Variants in NSUN6 observed in about 807,000 individuals in gnomAD.
The protein encoded by NSUN6 is NOP2/Sun RNA methyltransferase 6.
NSUN6 carries 64 observed loss-of-function variants against 58.0 expected under a neutral mutation model. The ratio of observed to expected loss-of-function variants is 1.10; its 90% CI spans 0.90 to 1.36. NSUN6 has a LOEUF of 1.36. Ranked by LOEUF, NSUN6 falls within the 40% of genes most tolerant of loss-of-function variation. The pLI, the probability that NSUN6 is intolerant of heterozygous loss-of-function variation, is 0.00. For synonymous variants in NSUN6, 231 were observed against 193.9 expected (o/e 1.19, Z -1.59); for missense variants, 701 against 550.1 (o/e 1.27, Z -2.74).
intron 8 of NSUN6, among the ~76,000 whole-genome samples, chr10:18,572,164 C>T (rs2056402196): frequency 6.6e-6 from 1 of 151,610 alleles, no homozygotes; most frequent in South Asian, 2.1e-4. Flanking sequence ...CTCCACATTC[C>T]CTTCCATTCT....
intron 8 of NSUN6, among the ~76,000 whole-genome samples, chr10:18,585,100 AAAC>A (rs1480061308): frequency 2.0e-5 from 3 of 152,162 alleles, no homozygotes; most frequent in Admixed American, 6.6e-5. Flanking sequence ...ATGCAAATCA[AAAC>A]AACGAGATGT....
chr10:18,571,583 CATTCCATTCCATTCTCT>C (rs1414493037), intron 8 of NSUN6, among the ~76,000 whole-genome samples: 11 of 150,738 alleles, frequency 7.3e-5, no homozygotes, highest in African/African-American at 2.7e-4. Context: ...TTCCAATGTC[CATTCCATTCCATTCTCT>C]ATTCCATTCC....
At chr10:18,609,735 T>C in intron 6 of NSUN6, 110 bp downstream of exon 6, 1 of 660,278 alleles carries the variant, frequency 1.5e-6, no homozygotes, top group Admixed American at 2.5e-5. Context: ...GATCAGTGTA[T>C]GTAAGTAGAC....
intron 8 of NSUN6, among the ~76,000 whole-genome samples, chr10:18,554,820 G>A (rs969680053): frequency 1.3e-5 from 2 of 151,526 alleles, no homozygotes; most frequent in African/African-American, 4.8e-5. Flanking sequence ...GAATAGAATG[G>A]TATGGAATGG....
intron 2 of NSUN6, among the ~76,000 whole-genome samples, chr10:18,645,418 C>T (rs1419472175): frequency 1.3e-5 from 2 of 152,160 alleles, no homozygotes; most frequent in African/African-American, 4.8e-5. Flanking sequence ...ACTTGGGTCC[C>T]ACATCCTTTA....
chr10:18,582,538 G>T (rs757388996), intron 8 of NSUN6, among the ~76,000 whole-genome samples: 14 of 152,164 alleles, frequency 9.2e-5, no homozygotes, highest in Non-Finnish European at 1.8e-4. Context: ...AGCCTTCTGG[G>T]CTGGGAAAAA....
At chr10:18,658,997 C>T (rs2059808789), upstream of NSUN6, among the ~76,000 whole-genome samples, 1 of 152,224 alleles carries the variant, frequency 6.6e-6, no homozygotes, top group Admixed American at 6.5e-5. Context: ...AAACACTCTT[C>T]ACTTCTGTGA....
intron 8 of NSUN6, among the ~76,000 whole-genome samples, chr10:18,580,398 G>C (rs907699413): frequency 2.6e-5 from 4 of 152,106 alleles, no homozygotes; most frequent in Non-Finnish European, 5.9e-5. Context: ...CCCAGTCAAG[G>C]AATGAAAGGA....
Position 18,628,338 on chromosome 10 carries a change from A to C in NSUN6, c.312-12045T>G, listed in dbSNP as rs1445379264. Among the ~76,000 whole-genome samples the C allele has an allele frequency of 5.3e-5, 8 of 152,210 alleles. 1 individual carries two copies. In the South Asian group the frequency reaches 1.0e-3, roughly 20 times the overall value. On this transcript the variant is annotated intron_variant, in intron 3 of 10. Transcript: ENST00000377304. ...AGCAGAAAAACTGGAAACTCTAAAA[A>C]GCAGAGCACCTCTCCTCCTCCAAAG... is the stretch of plus-strand genomic sequence containing the variant.
chr10:18,558,671 A>C (rs1315846699), intron 8 of NSUN6, among the ~76,000 whole-genome samples: 1 of 147,678 alleles, frequency 6.8e-6, no homozygotes, highest in Admixed American at 6.8e-5. Context: ...AGGAATTGAA[A>C]ATGGAAAAGA....
intron 3 of NSUN6, among the ~76,000 whole-genome samples, chr10:18,633,218 G>A (rs1309264110): frequency 6.8e-6 from 1 of 147,590 alleles, no homozygotes; most frequent in East Asian, 2.1e-4. Context: ...GGAACACATG[G>A]ACACAGGAAG....
At chr10:18,581,583 T>C (rs895905279) in intron 8 of NSUN6, among the ~76,000 whole-genome samples, 3 of 152,102 alleles carry the variant, frequency 2.0e-5, no homozygotes, top group African/African-American at 7.2e-5. Flanking sequence ...TTCCAGCACT[T>C]TGGGAGGCCG....
intron 8 of NSUN6, among the ~76,000 whole-genome samples, chr10:18,555,400 T>C (rs1309252044): frequency 2.0e-5 from 3 of 148,096 alleles, no homozygotes; most frequent in African/African-American, 7.5e-5. Context: ...GAATGGAGCA[T>C]GGAATGGAAT....
Position 18,585,895 on chromosome 10 carries a change from A to T in NSUN6, c.922+54T>A, listed in dbSNP as rs879128673. ...TATACATGTCAAAACATCACACTGT[A>T]TGCCACAAATATATGATCTGTCAAT... On this transcript the variant is annotated intron_variant, in intron 8 of 10. Coordinates refer to ENST00000377304, the MANE Select transcript of NSUN6 (RefSeq NM_182543.5). The T allele has an allele frequency of 4.0e-5, 54 of 1,348,698 alleles. 1 individual carries two copies. The South Asian group carries it at 6.8e-4, about 17-fold the overall frequency. The allele number at this position is 1,348,698 out of a possible 1,614,324, so 83.5% of individuals were successfully genotyped here. A position where few individuals can be genotyped will look rare whatever the true frequency, so the allele number is the denominator to read the frequency against.
intron 7 of NSUN6, among the ~76,000 whole-genome samples, chr10:18,594,877 T>C (rs1349815516): frequency 6.6e-6 from 1 of 152,144 alleles, no homozygotes; most frequent in Non-Finnish European, 1.5e-5. Flanking sequence ...TTTTGGCCAA[T>C]AAATAGGGTG....
In NSUN6 at chr10:18,574,645, G is replaced by A. The variant is rs2056559999; in HGVS notation, c.922+11304C>T. Among the ~76,000 whole-genome samples, 6 of 152,204 alleles carry A rather than the reference G, an allele frequency of 3.9e-5. No homozygotes were observed. In the South Asian group the frequency reaches 1.2e-3, roughly 32 times the overall value. On this transcript the variant is annotated intron_variant, in intron 8 of 10. Coordinates refer to ENST00000377304, the MANE Select transcript of NSUN6 (RefSeq NM_182543.5). ...TGCCCAACAGCTGGTCTGCTCAAAC[G>A]TGTGAGCTGTTTGCACTCAGCCAAG...
chr10:18,631,291 A>G (rs1267672005), intron 3 of NSUN6, among the ~76,000 whole-genome samples: 4 of 147,398 alleles, frequency 2.7e-5, no homozygotes, highest in Non-Finnish European at 3.0e-5. Context: ...ACCCACAGCC[A>G]ATATCATACT....
At chr10:18,623,206 G>C (rs1473389624) in intron 3 of NSUN6, among the ~76,000 whole-genome samples, 1 of 152,092 alleles carries the variant, frequency 6.6e-6, no homozygotes, top group Non-Finnish European at 1.5e-5. Flanking sequence ...CAGTAATTCA[G>C]TGATGCATTA....
intron 3 of NSUN6, among the ~76,000 whole-genome samples, chr10:18,617,184 A>ATTTT: frequency 7.6e-6 from 1 of 131,680 alleles, no homozygotes; most frequent in African/African-American, 2.8e-5. Context: ...TAGCCTTTCT[A>ATTTT]GTTTTTTTTT....
Sources: allele counts gnomAD v4.1 joint callset (sites outside exome capture counted in the v4.1 genomes callset), GRCh38; gene constraint gnomAD v4.1.1; transcripts MANE v1.5; gene names NCBI Gene and HGNC (gene_info 2026-07-23, HGNC 2026-07-21).